TSPAN18: variants seen among roughly 807,000 people sequenced by gnomAD.
TSPAN18 encodes tetraspanin 18.
In TSPAN18, 14 loss-of-function variants were observed where a neutral mutation model predicts 27.3. The ratio of observed to expected loss-of-function variants is 0.51; its 90% CI spans 0.34 to 0.80. The LOEUF (loss-of-function observed/expected upper bound fraction) is 0.80, where lower values mean the gene tolerates loss of function less well. TSPAN18 is among the 30% of genes least tolerant of loss of function. TSPAN18 has a pLI of 0.01. For synonymous variants in TSPAN18, 143 were observed against 136.5 expected (o/e 1.05, Z -0.33); for missense variants, 268 against 323.9 (o/e 0.83, Z 1.32).
chr11:44,919,133 G>A, intron 6 of TSPAN18, 81 bp from the exon 7 acceptor site: 1 of 1,144,824 alleles, frequency 8.7e-7, no homozygotes, highest in Non-Finnish European at 1.3e-6. Context: ...CAACTCCCAA[G>A]CAGGTGGATG....
At chr11:44,926,356 AG>A in intron 8 of TSPAN18, 1 of 288,844 alleles carries the variant, frequency 3.5e-6, no homozygotes, top group Admixed American at 4.9e-5. Context: ...CCAGAGCAGC[AG>A]GAAGTCCAAA....
At chr11:44,783,663 C>A (rs1855992219) in intron 2 of TSPAN18, among the ~76,000 whole-genome samples, 3 of 152,194 alleles carry the variant, frequency 2.0e-5, no homozygotes, top group Admixed American at 6.5e-5. Context: ...TCCCAGAGTG[C>A]TGGGATTACA....
intron 4 of TSPAN18, among the ~76,000 whole-genome samples, chr11:44,908,795 G>A (rs1239498469): frequency 9.9e-6 from 1 of 100,552 alleles, no homozygotes; most frequent in African/African-American, 3.9e-5. Flanking sequence ...AAGAAAGAAA[G>A]AAAGAAAGAA....
At chr11:44,778,352 G>A (rs952803238) in intron 2 of TSPAN18, among the ~76,000 whole-genome samples, 5 of 152,016 alleles carry the variant, frequency 3.3e-5, no homozygotes, top group Non-Finnish European at 4.4e-5. Context: ...GGAGGTCTCT[G>A]GTCTGTCACT....
chr11:44,858,107 C>T (rs1377435154), intron 2 of TSPAN18, among the ~76,000 whole-genome samples: 3 of 152,224 alleles, frequency 2.0e-5, no homozygotes, highest in Non-Finnish European at 4.4e-5. Context: ...GATGATAGCA[C>T]TGTTAGAATG....
At position 44,789,679 on chromosome 11, in the gene TSPAN18, A is replaced by T. The variant is rs1856144738; in HGVS notation, c.-153+25167A>T. Among the ~76,000 whole-genome samples the T allele has an allele frequency of 2.0e-5, 3 of 152,170 alleles. No individual in the cohort carries two copies. The South Asian group carries it at 6.2e-4, about 32-fold the overall frequency. ...AAGCCAGGGGTGAATTGCGGGCCTG[A>T]TACCCAGAATGATGGTATTCGTGGA... On this transcript the variant is annotated intron_variant, in intron 2 of 9. Coordinates refer to ENST00000520358, the MANE Select transcript of TSPAN18 (RefSeq NM_130783.5).
intron 5 of TSPAN18, 181 bp from the exon 6 acceptor site, chr11:44,917,791 C>T: frequency 1.6e-6 from 1 of 607,972 alleles, no homozygotes; most frequent in Admixed American, 2.9e-5. Flanking sequence ...ATCCTGTTGA[C>T]TCCAAGGAGG....
chr11:44,913,507 AT>A (rs1395583118), intron 5 of TSPAN18, among the ~76,000 whole-genome samples: 2 of 152,222 alleles, frequency 1.3e-5, no homozygotes, highest in African/African-American at 4.8e-5. Flanking sequence ...AAGCCAACTT[AT>A]TTAAAAATTC....
Position 44,911,277 on chromosome 11 carries a change from G to T in TSPAN18, c.258+1378G>T, listed in dbSNP as rs1859703221. Among the ~76,000 whole-genome samples, 2 of 152,072 alleles carry T rather than the reference G, an allele frequency of 1.3e-5. 1 individual carries two copies. The highest frequency in any genetic ancestry group is 4.1e-4 in the South Asian group (2 of 4,822). ...CTGGGGGGCTCCCTTGCAAGGTTCT[G>T]TAGATAAGCCAGCACCAGCAGTGCT... On this transcript the variant is annotated intron_variant, in intron 5 of 9. Coordinates refer to ENST00000520358, the MANE Select transcript of TSPAN18 (RefSeq NM_130783.5).
intron 1 of TSPAN18, chr11:44,736,544 C>T (rs1854798219): frequency 6.6e-6 from 1 of 152,156 alleles, no homozygotes; most frequent in Non-Finnish European, 1.5e-5. Flanking sequence ...GGGCTTCTCT[C>T]CCCAGGAGGG....
chr11:44,913,298 A>G (rs1230555103), intron 5 of TSPAN18, among the ~76,000 whole-genome samples: 1 of 152,220 alleles, frequency 6.6e-6, no homozygotes, highest in African/African-American at 2.4e-5. Context: ...CTGAAGTCCT[A>G]CAGGACCTGG....
intron 2 of TSPAN18, among the ~76,000 whole-genome samples, chr11:44,778,341 G>T (rs963047310): frequency 6.6e-5 from 10 of 152,006 alleles, no homozygotes; most frequent in African/African-American, 2.2e-4. Context: ...AGGTGTAAAT[G>T]GGAGGTCTCT....
intron 3 of TSPAN18, among the ~76,000 whole-genome samples, chr11:44,870,945 A>G (rs1858177631): frequency 1.3e-5 from 2 of 152,168 alleles, no homozygotes; most frequent in Admixed American, 1.3e-4. Context: ...CTGAGAGTGG[A>G]GTGGCATAGA....
intron 3 of TSPAN18, among the ~76,000 whole-genome samples, chr11:44,904,230 G>A (rs1273026197): frequency 1.3e-5 from 2 of 152,218 alleles, no homozygotes; most frequent in East Asian, 1.9e-4. Flanking sequence ...TGTCCCAGGT[G>A]GGCTCTGAGT....
At chr11:44,814,431 G>A (rs943459386) in intron 2 of TSPAN18, among the ~76,000 whole-genome samples, 4 of 152,194 alleles carry the variant, frequency 2.6e-5, no homozygotes, top group African/African-American at 9.7e-5. Flanking sequence ...AGAGCAGGAT[G>A]TGTGAACCCC....
chr11:44,777,796 G>A (rs551283982), intron 2 of TSPAN18, among the ~76,000 whole-genome samples: 184 of 152,280 alleles, frequency 1.2e-3, no homozygotes, highest in African/African-American at 4.1e-3. Context: ...GCCAGCTCCA[G>A]GAGGGTGTCC....
rs569914158 is a variant in TSPAN18 at position 44,876,646 on chromosome 11, G to C, written c.-11+16177G>C. Among the ~76,000 whole-genome samples, 20 of 152,364 alleles carry C rather than the reference G, an allele frequency of 1.3e-4. No homozygotes were observed. In the South Asian group the frequency reaches 3.7e-3, roughly 28 times the overall value. ...GGTAACATCAGAGTATGGGGTTTAAGTGGTGGGTGGCTCTTTTACAATGAT... is the reference window on the plus strand; with the variant it reads ...GGTAACATCAGAGTATGGGGTTTAACTGGTGGGTGGCTCTTTTACAATGAT... On this transcript the variant is annotated intron_variant, in intron 3 of 9. Coordinates refer to ENST00000520358, the MANE Select transcript of TSPAN18 (RefSeq NM_130783.5).
At chr11:44,761,605 C>T (rs551359353) in intron 1 of TSPAN18, among the ~76,000 whole-genome samples, 19 of 152,168 alleles carry the variant, frequency 1.2e-4, no homozygotes, top group Non-Finnish European at 2.2e-4. Context: ...GGCTCTGGAG[C>T]GCAAAACCTG....
chr11:44,880,085 T>C (rs1858448647), intron 3 of TSPAN18, among the ~76,000 whole-genome samples: 1 of 152,220 alleles, frequency 6.6e-6, no homozygotes, highest in Admixed American at 6.5e-5. Context: ...AATCCTGGCC[T>C]GTCATCCATC....
Sources: gnomAD v4.1 joint callset for allele counts (sites outside exome capture counted in the v4.1 genomes callset) on GRCh38, gnomAD v4.1.1 for gene constraint, MANE v1.5 for transcripts, NCBI Gene and HGNC (gene_info 2026-07-23, HGNC 2026-07-21) for gene names.